ADCY2: variants seen among roughly 807,000 people sequenced by gnomAD.
The protein encoded by ADCY2 is adenylate cyclase type 2.
Under a neutral mutation model 125.2 loss-of-function variants are expected in ADCY2, and 31 were observed. That is an observed-to-expected ratio of 0.25 (90% CI 0.19 to 0.33). The LOEUF is 0.33. Among genes scored for constraint, ADCY2 ranks in the 10% least tolerant of loss-of-function variants. The pLI is 1.00. For synonymous variants in ADCY2, 512 were observed against 548.4 expected (o/e 0.93, Z 0.93); for missense variants, 904 against 1,418.2 (o/e 0.64, Z 5.82).
chr5:7,791,724 C>T (rs1397645048), intron 20 of ADCY2, among the ~76,000 whole-genome samples: 1 of 152,098 alleles, frequency 6.6e-6, no homozygotes, highest in African/African-American at 2.4e-5. Context: ...GCAAGGTCCC[C>T]ATGTTTCCCC....
chr5:7,462,649 C>G (rs572365597), intron 2 of ADCY2, among the ~76,000 whole-genome samples: 320 of 152,284 alleles, frequency 2.1e-3, no homozygotes, highest in African/African-American at 7.5e-3. Context: ...TTGGAACTAC[C>G]TTTTGAATTG....
At chr5:7,768,810 A>G (rs1240850621) in intron 17 of ADCY2, among the ~76,000 whole-genome samples, 1 of 152,206 alleles carries the variant, frequency 6.6e-6, no homozygotes, top group African/African-American at 2.4e-5. Flanking sequence ...CTTTCCAATC[A>G]TGAGGCCTTG....
intron 14 of ADCY2, among the ~76,000 whole-genome samples, chr5:7,742,144 A>C (rs76719650): frequency 6.9e-6 from 1 of 145,034 alleles, no homozygotes; most frequent in Admixed American, 6.8e-5. Context: ...AAAAAAAAAA[A>C]CCTGTCAGAG....
intron 22 of ADCY2, among the ~76,000 whole-genome samples, chr5:7,812,040 A>C (rs923185511): frequency 6.6e-6 from 1 of 152,190 alleles, no homozygotes; most frequent in Admixed American, 6.5e-5. Flanking sequence ...TGAGGTGGGC[A>C]CAGAGAATCT....
intron 3 of ADCY2, among the ~76,000 whole-genome samples, chr5:7,606,420 A>C (rs895195921): frequency 2.6e-5 from 4 of 152,226 alleles, no homozygotes; most frequent in African/African-American, 9.6e-5. Context: ...AAGCCTGGAA[A>C]AACACAACTA....
chr5:7,719,987 T>A (rs1252372223), intron 12 of ADCY2, among the ~76,000 whole-genome samples: 7 of 150,412 alleles, frequency 4.7e-5, no homozygotes, highest in African/African-American at 1.7e-4. Flanking sequence ...ATTCAGAATT[T>A]CCTTTAGTTT....
At chr5:7,745,711 G>T (rs2032646855) in intron 15 of ADCY2, among the ~76,000 whole-genome samples, 3 of 152,140 alleles carry the variant, frequency 2.0e-5, no homozygotes. Context: ...ATCATTGGTG[G>T]TTCCATTGGA....
intron 4 of ADCY2, among the ~76,000 whole-genome samples, chr5:7,626,767 T>C (rs1007754700): frequency 6.6e-6 from 1 of 152,146 alleles, no homozygotes; most frequent in African/African-American, 2.4e-5. Flanking sequence ...AGGGCATTTA[T>C]GTGTCCATGA....
chr5:7,494,218 C>T (rs1177749391), intron 2 of ADCY2, among the ~76,000 whole-genome samples: 1 of 152,090 alleles, frequency 6.6e-6, no homozygotes, highest in Non-Finnish European at 1.5e-5. Context: ...CTGCTGTTGC[C>T]CTATCTCCAG....
intron 3 of ADCY2, among the ~76,000 whole-genome samples, chr5:7,527,137 G>A (rs1338266100): frequency 1.3e-5 from 2 of 152,202 alleles, no homozygotes; most frequent in Non-Finnish European, 2.9e-5. Flanking sequence ...CCCACCTCAT[G>A]TTGTGGTGGC....
intron 3 of ADCY2, among the ~76,000 whole-genome samples, chr5:7,625,457 G>T (rs150337517): frequency 1.2e-4 from 19 of 152,324 alleles, no homozygotes; most frequent in African/African-American, 4.6e-4. Context: ...AGAGTGTTCT[G>T]CTTGGGCAGG....
At chr5:7,622,381 A>T (rs1433748678) in intron 3 of ADCY2, among the ~76,000 whole-genome samples, 2 of 152,222 alleles carry the variant, frequency 1.3e-5, no homozygotes, top group African/African-American at 4.8e-5. Context: ...GGGTATCAGG[A>T]ACAGGCTTAT....
At chr5:7,469,365 T>C (rs1742247496) in intron 2 of ADCY2, among the ~76,000 whole-genome samples, 1 of 152,044 alleles carries the variant, frequency 6.6e-6, no homozygotes, top group African/African-American at 2.4e-5. Flanking sequence ...CTACTCATTA[T>C]AGATGATAAT....
chr5:7,604,107 G>A (rs1579228416), intron 3 of ADCY2, among the ~76,000 whole-genome samples: 1 of 14,826 alleles, frequency 6.7e-5, no homozygotes, highest in South Asian at 2.8e-3. Flanking sequence ...GAGAATGATG[G>A]TTTCCAATTT....
chr5:7,609,203 T>G (rs2126642134), intron 3 of ADCY2, among the ~76,000 whole-genome samples: 1 of 152,330 alleles, frequency 6.6e-6, no homozygotes, highest in Non-Finnish European at 1.5e-5. Context: ...GGATGGCAGG[T>G]ATATATCAAG....
rs1199015471 is a variant in ADCY2, at chr5:7,483,621, G to A, written c.409-37117G>A. Among the ~76,000 whole-genome samples the A allele has an allele frequency of 3.3e-5, 5 of 152,114 alleles. No individual in the cohort carries two copies. In the South Asian group the frequency reaches 8.3e-4, roughly 25 times the overall value. On this transcript the variant is annotated intron_variant, in intron 2 of 24. Coordinates refer to ENST00000338316, the MANE Select transcript of ADCY2 (RefSeq NM_020546.3). ...ATGACCTCGGGTGTTTGGAGCCCAG[G>A]GAGATGACATGGCATGGGAGTGCCG... is the stretch of plus-strand genomic sequence containing the variant.
At chr5:7,702,439 T>C (rs2126340260) in intron 7 of ADCY2, among the ~76,000 whole-genome samples, 1 of 151,882 alleles carries the variant, frequency 6.6e-6, no homozygotes, top group South Asian at 2.1e-4. Context: ...CCATGTGTTC[T>C]CATTGTTCAG....
intron 2 of ADCY2, among the ~76,000 whole-genome samples, chr5:7,423,276 G>A (rs1740277165): frequency 1.3e-5 from 2 of 152,154 alleles, no homozygotes; most frequent in South Asian, 2.1e-4. Flanking sequence ...AGCAGAGGAG[G>A]CATTTCTGAG....
intron 18 of ADCY2, among the ~76,000 whole-genome samples, chr5:7,773,646 T>C (rs1743624748): frequency 6.6e-6 from 1 of 152,220 alleles, no homozygotes; most frequent in Non-Finnish European, 1.5e-5. Context: ...CATTTTTCAC[T>C]AGAGATTTTC....
Sources: allele counts gnomAD v4.1 joint callset (sites outside exome capture counted in the v4.1 genomes callset), GRCh38; gene constraint gnomAD v4.1.1; transcripts MANE v1.5; gene names NCBI Gene and HGNC (gene_info 2026-07-23, HGNC 2026-07-21).